Variants in DNAJA1 observed in about 807,000 individuals in gnomAD.
DNAJA1 encodes dnaJ homolog subfamily A member 1.
In DNAJA1, 26 loss-of-function variants were observed where a neutral mutation model predicts 47.6. The ratio of observed to expected loss-of-function variants is 0.55; its 90% CI spans 0.40 to 0.76. DNAJA1 has a LOEUF of 0.76. Ranked by LOEUF, DNAJA1 falls within the 30% of genes least tolerant of loss-of-function variation. The probability of loss-of-function intolerance (pLI) is 0.00; values close to 1 mark genes in which losing one functional copy is unlikely to be tolerated. For synonymous variants in DNAJA1, 165 were observed against 158.4 expected, an observed-to-expected ratio of 1.04 and a Z score of -0.31; for missense variants, 315 against 485.0, an observed-to-expected ratio of 0.65 and a Z score of 3.29.
rs20583 is a variant in DNAJA1, at chr9:33,026,574, T to C, written c.90T>C (p.Ala30=). The stretch of plus-strand genomic sequence containing the variant: ...TGAAAAAGGCTTATAGGAAACTGGC[T>C]TTGAAGTACCATCCTGATAAGAACC... The part of the protein sequence containing the change: ...EELKKAYRKL[A]LKYHPDKNPN... Residue 30 remains alanine (A), a synonymous_variant, in exon 2 of 9, where the codon GCT becomes GCC. Coordinates refer to ENST00000330899, the MANE Select transcript of DNAJA1 (RefSeq NM_001539.4). The C allele has an allele frequency of 0.52, 843,093 of 1,610,232 alleles. 225,491 individuals carry two copies. Among genetic ancestry groups the C allele is most frequent in the African/African-American group, 0.81 (60,474 of 74,610 alleles).
In DNAJA1 at chr9:33,036,504, A is replaced by C. The variant is rs988237161; in HGVS notation, c.759-70A>C. On this transcript the variant is annotated intron_variant, in intron 6 of 8. Coordinates refer to ENST00000330899, the MANE Select transcript of DNAJA1 (RefSeq NM_001539.4). ...ACCCTTTGCTTTTATTAAACAAAAAAACAGCCTGCTTTGGTACATCTACTG... is the reference window on the plus strand; with the variant it reads ...ACCCTTTGCTTTTATTAAACAAAAACACAGCCTGCTTTGGTACATCTACTG... 4 of 1,011,156 alleles carry C rather than the reference A, an allele frequency of 4.0e-6. No homozygotes were observed. In the Admixed American group the frequency reaches 1.0e-4, roughly 26 times the overall value. 62.6% of individuals were successfully genotyped at this position (1,011,156 alleles called of 1,614,324 possible). A position where few individuals can be genotyped will look rare whatever the true frequency, so the allele number is the denominator to read the frequency against.
chr9:33,037,448 A>G (rs10971357), intron 8 of DNAJA1: 12,089 of 172,298 alleles, frequency 0.07, 564 homozygotes, highest in Non-Finnish European at 0.1. Context: ...TTGGGAGGCC[A>G]AGACAGGTGG....
At chr9:33,033,488 A>C (rs1457742824) in intron 5 of DNAJA1, among the ~76,000 whole-genome samples, 1 of 152,202 alleles carries the variant, frequency 6.6e-6, no homozygotes, top group East Asian at 1.9e-4. Flanking sequence ...CCTTGAGCCC[A>C]GTAGTTCAAG....
chr9:33,038,641 G>A, intron 8 of DNAJA1, 44 bp from the exon 9 acceptor site: 1 of 1,568,634 alleles, frequency 6.4e-7, no homozygotes. Context: ...CTCTAAGGGA[G>A]CTAATGATGA....
At chr9:33,032,110 T>A (rs1435069997) in intron 5 of DNAJA1, among the ~76,000 whole-genome samples, 1 of 152,246 alleles carries the variant, frequency 6.6e-6, no homozygotes, top group African/African-American at 2.4e-5. Flanking sequence ...TACTGTGGTA[T>A]GATACCAATC....
chr9:33,026,226 T>G (rs1326004994), intron 1 of DNAJA1, among the ~76,000 whole-genome samples: 7 of 152,228 alleles, frequency 4.6e-5, no homozygotes, highest in Non-Finnish European at 7.3e-5. Context: ...GTATGGAAGC[T>G]TTGGTGTAGG....
intron 4 of DNAJA1, 70 bp from the exon 5 acceptor site, chr9:33,030,370 T>A (rs969414946): frequency 1.5e-5 from 21 of 1,424,858 alleles, no homozygotes; most frequent in Non-Finnish European, 1.8e-5. Flanking sequence ...TTAGGAATTG[T>A]CTTCTTAAAA....
At chr9:33,034,423 A>C in intron 6 of DNAJA1, 93 bp downstream of exon 6, 1 of 883,044 alleles carries the variant, frequency 1.1e-6, no homozygotes, top group South Asian at 1.6e-5. Context: ...AGTGTTTTCC[A>C]TTACTCTTAG....
chr9:33,037,359 T>C (rs538127675), intron 8 of DNAJA1: 122 of 317,862 alleles, frequency 3.8e-4, no homozygotes, highest in South Asian at 1.1e-3. Flanking sequence ...CCTCAGAACC[T>C]GAAACTTACA....
At chr9:33,035,954 T>C (rs1839026903) in intron 6 of DNAJA1, among the ~76,000 whole-genome samples, 1 of 152,178 alleles carries the variant, frequency 6.6e-6, no homozygotes, top group Admixed American at 6.5e-5. Context: ...ATTGTTTAAT[T>C]TCATAGAGCC....
chr9:33,036,934 G>T, intron 7 of DNAJA1, 81 bp from the exon 8 acceptor site: 1 of 1,275,998 alleles, frequency 7.8e-7, no homozygotes. Context: ...AATGAGCTAG[G>T]ACAGTGCTCT....
intron 3 of DNAJA1, among the ~76,000 whole-genome samples, chr9:33,028,945 G>C (rs1193534275): frequency 6.6e-6 from 1 of 152,152 alleles, no homozygotes; most frequent in Admixed American, 6.5e-5. Context: ...TTTTTCAGTT[G>C]GTGGAAAGGC....
intron 6 of DNAJA1, 71 bp downstream of exon 6, chr9:33,034,401 TG>T: frequency 1.6e-6 from 2 of 1,255,530 alleles, no homozygotes; most frequent in South Asian, 2.7e-5. Context: ...TTTGTTTTTT[TG>T]TTTTTTTTAA....
rs74178844 is a variant in DNAJA1, at chr9:33,039,561, A to AT, written c.*658_*659insT. The AT allele has an allele frequency of 6.3e-5, 9 of 142,022 alleles. No homozygotes were observed. Among genetic ancestry groups the AT allele is most frequent in the Admixed American group, 7.1e-5 (1 of 14,044 alleles). The allele number at this position is 142,022 out of a possible 1,614,324, so 8.8% of individuals were successfully genotyped here. A position where few individuals can be genotyped will look rare whatever the true frequency, so the allele number is the denominator to read the frequency against. ...CATATATATATACATATATATATAT[A>AT]ATCTTGACCAGTCCTGGTCATTTGC... On this transcript the variant is annotated 3_prime_UTR_variant, in exon 9 of 9. Transcript: ENST00000330899.
intron 8 of DNAJA1, among the ~76,000 whole-genome samples, chr9:33,038,158 C>A (rs1486718753): frequency 6.6e-6 from 1 of 152,070 alleles, no homozygotes; most frequent in African/African-American, 2.4e-5. Flanking sequence ...GTGCCCGCCA[C>A]CACGCTGGGC....
intron 3 of DNAJA1, among the ~76,000 whole-genome samples, chr9:33,029,518 CAA>C (rs1203816763): frequency 6.6e-6 from 1 of 152,172 alleles, no homozygotes; most frequent in Non-Finnish European, 1.5e-5. Context: ...GTGAAAGCTT[CAA>C]AAAATATATT....
In DNAJA1 at chr9:33,029,991, T is replaced by TA. The variant is rs1838934670; in HGVS notation, c.415+3dup. On this transcript the variant is annotated splice_region_variant and intron_variant, in intron 4 of 8. Transcript: ENST00000330899. Reference sequence around the variant, plus strand: ...ATGTGATTTGTGACAAATGTGAAGGTACGGTGTTTTTTTGTTTTGTTTTGT... The same window carrying TA: ...ATGTGATTTGTGACAAATGTGAAGGTAACGGTGTTTTTTTGTTTTGTTTTGT... 6.2e-6 allele frequency: 10 copies of TA among 1,609,748 alleles called. No individual in the cohort carries two copies. The highest frequency in any genetic ancestry group is 8.5e-6 in the Non-Finnish European group (10 of 1,178,940).
intron 8 of DNAJA1, among the ~76,000 whole-genome samples, chr9:33,038,050 G>GGT (rs1323529997): frequency 6.7e-6 from 1 of 150,022 alleles, no homozygotes; most frequent in Non-Finnish European, 1.5e-5. Context: ...TGTCACCCAA[G>GGT]GTGGAGTGCA....
At chr9:33,037,268 T>G in intron 8 of DNAJA1, 153 bp downstream of exon 8, 1 of 542,850 alleles carries the variant, frequency 1.8e-6, no homozygotes, top group Non-Finnish European at 3.2e-6. Context: ...GCCCTGGAGT[T>G]TTGAGAACAG....
Sources: allele counts gnomAD v4.1 joint callset (sites outside exome capture counted in the v4.1 genomes callset), GRCh38; gene constraint gnomAD v4.1.1; transcripts MANE v1.5; gene names NCBI Gene and HGNC (gene_info 2026-07-23, HGNC 2026-07-21).